Variants in RBFOX3 observed in about 807,000 individuals in gnomAD.
RBFOX3 encodes RNA binding protein fox-1 homolog 3.
RBFOX3 carries 17 observed loss-of-function variants against 48.7 expected under a neutral mutation model. The observed-to-expected ratio is 0.35, with a 90% confidence interval of 0.24 to 0.52. The LOEUF is 0.52. Ranked by LOEUF, RBFOX3 falls within the 20% of genes least tolerant of loss-of-function variation. The pLI is 0.94. For missense variants in RBFOX3, 382 were observed against 497.5 expected (o/e 0.77, Z 2.21); for synonymous variants, 212 against 209.5 (o/e 1.01, Z -0.10).
intron 2 of RBFOX3, among the ~76,000 whole-genome samples, chr17:79,330,627 C>T (rs1195847269): frequency 1.3e-5 from 2 of 152,104 alleles, no homozygotes; most frequent in African/African-American, 4.8e-5. Context: ...CTCTCCCACA[C>T]CCCTGACTCT....
chr17:79,452,763 G>A (rs2073768245), intron 2 of RBFOX3, among the ~76,000 whole-genome samples: 1 of 152,232 alleles, frequency 6.6e-6, no homozygotes, highest in African/African-American at 2.4e-5. Context: ...CCTGCCATCA[G>A]TGGAGAAGCA....
intron 4 of RBFOX3, among the ~76,000 whole-genome samples, chr17:79,144,117 A>T (rs1007252): frequency 0.13 from 19,675 of 152,122 alleles, 1,671 homozygotes; most frequent in East Asian, 0.19. Context: ...CCTGCAGAGG[A>T]TGTCGTGTGT....
At position 79,097,282 on chromosome 17, in the gene RBFOX3, A is replaced by G; in HGVS notation, c.755+10T>C. On this transcript the variant is annotated intron_variant, in intron 11 of 14. Coordinates refer to ENST00000693108, the MANE Select transcript of RBFOX3 (RefSeq NM_001350451.2). ...CCCTCCTCCACGCCTCCCCCGGCCC[A>G]GGTACTCACGCTCCGTAAGTCGGGA... 7.6e-7 allele frequency: 1 copy of G among 1,323,364 alleles called. No homozygotes were observed. The highest frequency in any genetic ancestry group is 1.6e-5 in the African/African-American group (1 of 62,284). 82.0% of individuals were successfully genotyped at this position (1,323,364 alleles called of 1,614,324 possible).
At chr17:79,386,377 G>C (rs553067718) in intron 2 of RBFOX3, among the ~76,000 whole-genome samples, 4 of 151,900 alleles carry the variant, frequency 2.6e-5, no homozygotes, top group African/African-American at 9.7e-5. Flanking sequence ...TATAGGTGAG[G>C]GCTCCATCAC....
chr17:79,294,313 T>G (rs1442921176), intron 3 of RBFOX3, among the ~76,000 whole-genome samples: 1 of 151,812 alleles, frequency 6.6e-6, no homozygotes, highest in African/African-American at 2.4e-5. Context: ...AGCAGACACC[T>G]TTTGCTTTTT....
chr17:79,326,148 T>C (rs1329351969), intron 2 of RBFOX3, among the ~76,000 whole-genome samples: 1 of 152,078 alleles, frequency 6.6e-6, no homozygotes, highest in Non-Finnish European at 1.5e-5. Flanking sequence ...GTCTGTGGCA[T>C]TGGGGGTAAG....
At chr17:79,484,833 A>G (rs1210798596) in intron 1 of RBFOX3, among the ~76,000 whole-genome samples, 1 of 152,156 alleles carries the variant, frequency 6.6e-6, no homozygotes, top group Non-Finnish European at 1.5e-5. Context: ...GCCTCCTCTG[A>G]GCCTGCTGTC....
intron 3 of RBFOX3, among the ~76,000 whole-genome samples, chr17:79,274,085 A>G (rs904553624): frequency 1.4e-4 from 22 of 152,300 alleles, no homozygotes; most frequent in Admixed American, 6.5e-4. Context: ...CCATGCATAC[A>G]GCTGGCTGAG....
At chr17:79,102,905 G>C (rs2076706924) in intron 8 of RBFOX3, among the ~76,000 whole-genome samples, 1 of 152,220 alleles carries the variant, frequency 6.6e-6, no homozygotes, top group Non-Finnish European at 1.5e-5. Flanking sequence ...GTCTGGTTGG[G>C]GACAGCGCCT....
At chr17:79,230,562 C>T (rs1439067037) in intron 4 of RBFOX3, among the ~76,000 whole-genome samples, 1 of 152,142 alleles carries the variant, frequency 6.6e-6, no homozygotes, top group Non-Finnish European at 1.5e-5. Flanking sequence ...CCCGGCTCTC[C>T]TTATTCTTTA....
chr17:79,280,462 G>A (rs1053893469), intron 3 of RBFOX3, among the ~76,000 whole-genome samples: 1 of 152,198 alleles, frequency 6.6e-6, no homozygotes, highest in Admixed American at 6.5e-5. Context: ...CATCAAGGCC[G>A]CGATGCCTTC....
chr17:79,604,405 T>G (rs1047146116), intron 1 of RBFOX3, among the ~76,000 whole-genome samples: 15 of 128,878 alleles, frequency 1.2e-4, no homozygotes, highest in African/African-American at 4.4e-4. Context: ...GGTGATACAT[T>G]AAAAAGTCAT....
intron 4 of RBFOX3, among the ~76,000 whole-genome samples, chr17:79,156,678 C>CGCCCT (rs2045879687): frequency 2.0e-5 from 3 of 152,224 alleles, no homozygotes. Flanking sequence ...CGGCTGTGCT[C>CGCCCT]GCCCTACCGC....
chr17:79,435,980 C>T (rs891759775), intron 2 of RBFOX3, among the ~76,000 whole-genome samples: 10 of 152,220 alleles, frequency 6.6e-5, no homozygotes, highest in Non-Finnish European at 1.5e-4. Flanking sequence ...TCCACAGAAA[C>T]GGCACTGGGA....
rs1237826271 is a variant in RBFOX3, at chr17:79,445,861, G to A, written c.-175+36593C>T. On this transcript the variant is annotated intron_variant, in intron 2 of 14. Transcript: ENST00000693108. ...GTTTTGCAGAGGGCAGGGGCTCTCT[G>A]AGTCTGACTGGTGGACCTAGGGCAG... Among the ~76,000 whole-genome samples, 5 of 152,200 alleles carry A rather than the reference G, an allele frequency of 3.3e-5. No individual in the cohort carries two copies. In the East Asian group the frequency reaches 7.7e-4, roughly 23 times the overall value.
intron 5 of RBFOX3, among the ~76,000 whole-genome samples, chr17:79,110,021 C>T (rs1240893181): frequency 6.6e-6 from 1 of 152,010 alleles, no homozygotes; most frequent in Non-Finnish European, 1.5e-5. Flanking sequence ...CGCATGACTG[C>T]ACACGGACTG....
intron 1 of RBFOX3, among the ~76,000 whole-genome samples, chr17:79,587,639 G>A (rs1273425156): frequency 5.3e-5 from 8 of 152,162 alleles, no homozygotes; most frequent in Non-Finnish European, 8.8e-5. Context: ...GTCCCCCCAC[G>A]GAGCAGCAGG....
rs1555723780 is a variant in RBFOX3 at position 79,423,360 on chromosome 17, T to C, written c.-175+59094A>G. 2.6e-5 allele frequency among the ~76,000 whole-genome samples: 4 copies of C among 152,122 alleles called. No homozygotes were observed. The highest frequency in any genetic ancestry group is 5.9e-5 in the Non-Finnish European group (4 of 68,012). ...CTGCTTTCAATGCTTGTGCAGATCCTGCCGCACAGACCCCAACCCTACCTC... is the reference window on the plus strand; with the variant it reads ...CTGCTTTCAATGCTTGTGCAGATCCCGCCGCACAGACCCCAACCCTACCTC... On this transcript the variant is annotated intron_variant, in intron 2 of 14. Coordinates refer to ENST00000693108, the MANE Select transcript of RBFOX3 (RefSeq NM_001350451.2). This position sits in a 1 kb window ranked among gnomAD's most constrained non-coding sequence, Gnocchi z 4.9.
At chr17:79,230,721 G>A (rs187344068) in intron 4 of RBFOX3, among the ~76,000 whole-genome samples, 1 of 152,144 alleles carries the variant, frequency 6.6e-6, no homozygotes, top group African/African-American at 2.4e-5. Flanking sequence ...CTCTACACTA[G>A]GACTGTGTGT....
Sources: allele counts gnomAD v4.1 joint callset (sites outside exome capture counted in the v4.1 genomes callset), GRCh38; gene constraint gnomAD v4.1.1; non-coding constraint Gnocchi (gnomAD v3.1); transcripts MANE v1.5; gene names NCBI Gene and HGNC (gene_info 2026-07-23, HGNC 2026-07-21).